Variants in BNC2 observed in about 807,000 individuals in gnomAD.
BNC2 encodes the protein basonuclin zinc finger protein 2.
Under a neutral mutation model 76.3 loss-of-function variants are expected in BNC2, and 20 were observed. The observed-to-expected ratio is 0.26, with a 90% CI of 0.18 to 0.38. BNC2 has a LOEUF of 0.38. Among genes scored for constraint, BNC2 ranks in the 10% least tolerant of loss-of-function variants. The pLI is 1.00. For synonymous variants in BNC2, 582 were observed against 514.8 expected, an observed-to-expected ratio of 1.13 and a Z score of -1.77; for missense variants, 1,382 against 1,399.8, an observed-to-expected ratio of 0.99 and a Z score of 0.20.
intron 1 of BNC2, among the ~76,000 whole-genome samples, chr9:16,853,616 C>T (rs1563972231): frequency 6.6e-6 from 1 of 152,092 alleles, no homozygotes; most frequent in South Asian, 2.1e-4. Context: ...CCTGCAATCC[C>T]ACCACTTTAG....
intron 3 of BNC2, among the ~76,000 whole-genome samples, chr9:16,624,194 C>G (rs577597154): frequency 6.6e-6 from 1 of 152,196 alleles, no homozygotes; most frequent in South Asian, 2.1e-4. Context: ...ATAAGCTAGA[C>G]GAAGTATTTA....
intron 1 of BNC2, among the ~76,000 whole-genome samples, chr9:16,781,096 G>T (rs1196871601): frequency 6.6e-6 from 1 of 151,928 alleles, no homozygotes; most frequent in Non-Finnish European, 1.5e-5. Flanking sequence ...CTAAAAAAAT[G>T]GGATCTAATT....
chr9:16,593,813 G>A (rs968616877), intron 3 of BNC2, among the ~76,000 whole-genome samples: 38 of 151,484 alleles, frequency 2.5e-4, no homozygotes, highest in East Asian at 1.2e-3. Flanking sequence ...GGGTTAGCTC[G>A]CCATTAAAAA....
intron 5 of BNC2, among the ~76,000 whole-genome samples, chr9:16,480,462 TG>T (rs1462056715): frequency 6.6e-6 from 1 of 152,176 alleles, no homozygotes; most frequent in African/African-American, 2.4e-5. Context: ...CTTTCTGGGC[TG>T]GCCAAGGCCA....
At chr9:16,443,928 T>C (rs1231055512) in intron 5 of BNC2, among the ~76,000 whole-genome samples, 1 of 152,314 alleles carries the variant, frequency 6.6e-6, no homozygotes, top group East Asian at 1.9e-4. Context: ...GCCACATAGA[T>C]TGTACACTTA....
intron 6 of BNC2, among the ~76,000 whole-genome samples, 194 bp downstream of exon 6, chr9:16,435,361 G>A (rs553849985): frequency 2.6e-5 from 4 of 152,226 alleles, no homozygotes; most frequent in African/African-American, 9.6e-5. Flanking sequence ...GATTCTGCAT[G>A]CTTAATCATC....
intron 4 of BNC2, among the ~76,000 whole-genome samples, chr9:16,559,889 A>G (rs182152157): frequency 1.3e-5 from 2 of 152,372 alleles, no homozygotes; most frequent in East Asian, 1.9e-4. Context: ...CACCTTCAAA[A>G]GCAGACAGAT....
intron 3 of BNC2, among the ~76,000 whole-genome samples, chr9:16,657,247 G>A (rs189216004): frequency 1.1e-3 from 170 of 152,272 alleles, no homozygotes; most frequent in Admixed American, 4.1e-3. Context: ...AAAGATTTAT[G>A]TTTAAAAGGA....
Position 16,815,446 on chromosome 9 carries a change from T to C in BNC2, c.3+55200A>G, listed in dbSNP as rs1323873475. On this transcript the variant is annotated intron_variant, in intron 1 of 6. Coordinates refer to ENST00000380672, the MANE Select transcript of BNC2 (RefSeq NM_017637.6). The stretch of plus-strand genomic sequence containing the variant: ...TGTAAGGATACTACTATTCAAAGAG[T>C]TGAGGCAGGCAACTGCAATGGTCAC... Among the ~76,000 whole-genome samples the C allele has an allele frequency of 2.6e-5, 4 of 152,100 alleles. No homozygotes were observed. The East Asian group carries it at 5.8e-4, about 22-fold the overall frequency.
intron 1 of BNC2, among the ~76,000 whole-genome samples, chr9:16,764,439 G>T (rs1487612400): frequency 1.3e-5 from 2 of 152,104 alleles, no homozygotes; most frequent in Non-Finnish European, 2.9e-5. Flanking sequence ...TCATTCATCT[G>T]GTAAGTAACC....
At chr9:16,534,146 G>A (rs576839845) in intron 5 of BNC2, among the ~76,000 whole-genome samples, 16 of 152,258 alleles carry the variant, frequency 1.1e-4, no homozygotes, top group African/African-American at 3.6e-4. Context: ...CTCTAGATGT[G>A]ATATTAGAAG....
At chr9:16,792,181 C>T (rs902836716) in intron 1 of BNC2, among the ~76,000 whole-genome samples, 7 of 151,382 alleles carry the variant, frequency 4.6e-5, no homozygotes, top group African/African-American at 1.7e-4. Context: ...ATTTTAAGAA[C>T]ATTTTACAAA....
At chr9:16,743,487 A>G (rs1439095045) in intron 1 of BNC2, among the ~76,000 whole-genome samples, 4 of 152,186 alleles carry the variant, frequency 2.6e-5, no homozygotes, top group African/African-American at 7.2e-5. Flanking sequence ...TTCTCAAACT[A>G]TCAGAGGCGT....
chr9:16,544,695 T>A, intron 5 of BNC2, among the ~76,000 whole-genome samples: 1 of 151,134 alleles, frequency 6.6e-6, no homozygotes, highest in East Asian at 1.9e-4. Flanking sequence ...GGCAGACACC[T>A]GTAATTTAGG....
At chr9:16,588,867 G>A (rs985275901) in intron 3 of BNC2, among the ~76,000 whole-genome samples, 3 of 152,124 alleles carry the variant, frequency 2.0e-5, no homozygotes, top group Non-Finnish European at 4.4e-5. Flanking sequence ...ACAAATTGTT[G>A]TTTCAGTAAA....
chr9:16,427,415 G>A (rs1178384306), intron 6 of BNC2, among the ~76,000 whole-genome samples: 1 of 152,118 alleles, frequency 6.6e-6, no homozygotes, highest in Non-Finnish European at 1.5e-5. Flanking sequence ...GGCTGCCTAC[G>A]TCCACAATAA....
chr9:16,797,273 G>A (rs944228256), intron 1 of BNC2, among the ~76,000 whole-genome samples: 34 of 152,022 alleles, frequency 2.2e-4, no homozygotes, highest in African/African-American at 7.7e-4. Context: ...CTAATAAGCT[G>A]GAAATAGCTT....
intron 1 of BNC2, among the ~76,000 whole-genome samples, chr9:16,744,124 G>A (rs368408938): frequency 3.3e-5 from 5 of 151,892 alleles, no homozygotes; most frequent in South Asian, 2.1e-4. Flanking sequence ...CTGCCACCAC[G>A]CCCGGCTAAT....
At chr9:16,491,687 T>C (rs932799078) in intron 5 of BNC2, among the ~76,000 whole-genome samples, 4 of 152,186 alleles carry the variant, frequency 2.6e-5, no homozygotes, top group African/African-American at 9.6e-5. Flanking sequence ...GCTGAAGATA[T>C]GCATCATACC....
Sources: allele counts gnomAD v4.1 joint callset (sites outside exome capture counted in the v4.1 genomes callset), GRCh38; gene constraint gnomAD v4.1.1; transcripts MANE v1.5; gene names NCBI Gene and HGNC (gene_info 2026-07-23, HGNC 2026-07-21).